Variants in GRIP1 observed in about 807,000 individuals in gnomAD.
The protein encoded by GRIP1 is glutamate receptor interacting protein 1, also known as glutamate receptor-interacting protein 1.
In GRIP1, 45 loss-of-function variants were observed where a neutral mutation model predicts 129.9. That is an observed-to-expected ratio of 0.35 (90% CI 0.27 to 0.44). GRIP1 has a LOEUF of 0.44. GRIP1 is among the 20% of genes least tolerant of loss of function. The pLI is 1.00. For synonymous variants in GRIP1, 530 were observed against 520.8 expected, an observed-to-expected ratio of 1.02 and a Z score of -0.24; for missense variants, 1,196 against 1,396.8, an observed-to-expected ratio of 0.86 and a Z score of 2.29.
intron 1 of GRIP1, among the ~76,000 whole-genome samples, chr12:66,833,162 A>G (rs528073238): frequency 6.6e-6 from 1 of 152,298 alleles, no homozygotes; most frequent in South Asian, 2.1e-4. Flanking sequence ...GTGTTAAGGA[A>G]GGTGTTTGAT....
At chr12:66,506,372 T>A (rs61925950) in intron 7 of GRIP1, among the ~76,000 whole-genome samples, 1 of 152,200 alleles carries the variant, frequency 6.6e-6, no homozygotes, top group Non-Finnish European at 1.5e-5. Flanking sequence ...GAATGAACTA[T>A]TGCTATAGAC....
chr12:66,776,218 C>T (rs1442111828), intron 1 of GRIP1, among the ~76,000 whole-genome samples: 1 of 152,162 alleles, frequency 6.6e-6, no homozygotes, highest in Non-Finnish European at 1.5e-5. Context: ...AGCGACAGGA[C>T]CCTGGTTTAA....
intron 1 of GRIP1, among the ~76,000 whole-genome samples, chr12:66,632,809 A>T (rs955490796): frequency 1.3e-5 from 2 of 152,146 alleles, no homozygotes; most frequent in Non-Finnish European, 2.9e-5. Flanking sequence ...TGCTTAAGAA[A>T]ACTGTGCATA....
At chr12:67,061,114 T>C (rs964638716) in intron 1 of GRIP1, among the ~76,000 whole-genome samples, 2 of 152,210 alleles carry the variant, frequency 1.3e-5, no homozygotes, top group East Asian at 3.9e-4. Context: ...TTGTTACAAA[T>C]GGGAGTCCAA....
chr12:66,825,963 T>C (rs1433900042), intron 1 of GRIP1, among the ~76,000 whole-genome samples: 4 of 152,300 alleles, frequency 2.6e-5, no homozygotes, highest in Admixed American at 1.3e-4. Context: ...ACTGGATATA[T>C]ACCCAAAGGA....
At chr12:66,787,754 C>A (rs567474867) in intron 1 of GRIP1, among the ~76,000 whole-genome samples, 3 of 152,164 alleles carry the variant, frequency 2.0e-5, no homozygotes, top group Admixed American at 6.6e-5. Context: ...ATGAGAAATA[C>A]ATTTCTGTTG....
intron 1 of GRIP1, among the ~76,000 whole-genome samples, chr12:67,032,075 A>G (rs971422153): frequency 1.3e-5 from 2 of 152,098 alleles, no homozygotes; most frequent in Non-Finnish European, 2.9e-5. Flanking sequence ...AGCCTTTCCT[A>G]ATTTTCCCCA....
upstream of GRIP1, among the ~76,000 whole-genome samples, chr12:66,804,828 A>G (rs572611951): frequency 6.6e-6 from 1 of 152,320 alleles, no homozygotes; most frequent in Non-Finnish European, 1.5e-5. Context: ...CTTGCATATC[A>G]TATTAATAAG....
intron 1 of GRIP1, among the ~76,000 whole-genome samples, chr12:66,883,234 T>C (rs2040509673): frequency 1.3e-5 from 2 of 152,176 alleles, no homozygotes; most frequent in Admixed American, 1.3e-4. Context: ...TTTCCAGTCG[T>C]GATCCCATTG....
chr12:67,011,657 CAAG>C (rs2042709896), intron 1 of GRIP1, among the ~76,000 whole-genome samples: 1 of 151,690 alleles, frequency 6.6e-6, no homozygotes, highest in African/African-American at 2.4e-5. Context: ...CCTACTTTCT[CAAG>C]AAGGTTTCAC....
chr12:66,936,028 C>CA (rs1182994752), intron 1 of GRIP1, among the ~76,000 whole-genome samples: 1 of 152,058 alleles, frequency 6.6e-6, no homozygotes, highest in Non-Finnish European at 1.5e-5. Context: ...AACAAACAAA[C>CA]AACAACAACA....
chr12:66,848,792 T>C (rs535842684), intron 1 of GRIP1, among the ~76,000 whole-genome samples: 83 of 152,168 alleles, frequency 5.5e-4, no homozygotes, highest in African/African-American at 2.0e-3. Flanking sequence ...TGATTGAGAG[T>C]CAAATTATGG....
intron 1 of GRIP1, among the ~76,000 whole-genome samples, chr12:66,783,044 CTT>C (rs373211810): frequency 6.9e-6 from 1 of 145,848 alleles, no homozygotes; most frequent in Non-Finnish European, 1.5e-5. Flanking sequence ...AGTAAAGGTA[CTT>C]TTTTTTTTTT....
intron 1 of GRIP1, among the ~76,000 whole-genome samples, chr12:67,061,489 T>C (rs2043535496): frequency 6.6e-6 from 1 of 152,212 alleles, no homozygotes; most frequent in Admixed American, 6.5e-5. Flanking sequence ...ATTTTGAGTA[T>C]AGTACAAGAA....
intron 13 of GRIP1, among the ~76,000 whole-genome samples, chr12:66,440,732 C>T (rs2058448896): frequency 6.6e-6 from 1 of 152,158 alleles, no homozygotes; most frequent in African/African-American, 2.4e-5. Context: ...CCAATCTTAA[C>T]AAAACAAAGC....
At chr12:66,780,878 T>C (rs959925124) in intron 1 of GRIP1, among the ~76,000 whole-genome samples, 18 of 152,308 alleles carry the variant, frequency 1.2e-4, no homozygotes, top group African/African-American at 4.3e-4. Flanking sequence ...GTAGGTATTC[T>C]GGCTCAACTA....
In GRIP1 at chr12:66,432,980, C is replaced by G. The variant is rs528203879; in HGVS notation, c.1688-352G>C. Among the ~76,000 whole-genome samples, 4 of 152,296 alleles carry G rather than the reference C, an allele frequency of 2.6e-5. No individual in the cohort carries two copies. The East Asian group carries it at 7.7e-4, about 29-fold the overall frequency. On this transcript the variant is annotated intron_variant, in intron 13 of 24. Coordinates refer to ENST00000359742, the MANE Select transcript of GRIP1 (RefSeq NM_001366722.1). ...CTCTAAAGATGAGGCCTAGAGATCT[C>G]TAGGTGAATCTCAGGCATAGTAAAG...
chr12:66,385,090 G>T (rs1207795845), intron 19 of GRIP1, among the ~76,000 whole-genome samples: 1 of 152,146 alleles, frequency 6.6e-6, no homozygotes, highest in African/African-American at 2.4e-5. Context: ...AAAATCAACT[G>T]CCAGATAGAT....
chr12:66,580,973 C>G (rs2063352691), intron 2 of GRIP1, among the ~76,000 whole-genome samples: 1 of 152,148 alleles, frequency 6.6e-6, no homozygotes, highest in South Asian at 2.1e-4. Context: ...CAGCACCACA[C>G]CACAGCTATT....
Sources: allele counts gnomAD v4.1 joint callset (sites outside exome capture counted in the v4.1 genomes callset), GRCh38; gene constraint gnomAD v4.1.1; transcripts MANE v1.5; gene names NCBI Gene and HGNC (gene_info 2026-07-23, HGNC 2026-07-21).